Variants in RIT2 observed in about 807,000 individuals in gnomAD.
RIT2 encodes Ras like without CAAX 2, also known as GTP-binding protein Rit2.
RIT2 carries 24 observed loss-of-function variants against 23.7 expected under a neutral mutation model. That is an observed-to-expected ratio of 1.01 (90% CI 0.73 to 1.43). RIT2 has a LOEUF of 1.43. Among genes scored for constraint, RIT2 ranks in the 40% most tolerant of loss-of-function variants. The probability of loss-of-function intolerance (pLI) is 0.00; values close to 1 mark genes in which losing one functional copy is unlikely to be tolerated. For missense variants in RIT2, 236 were observed against 266.9 expected (o/e 0.88, Z 0.81); for synonymous variants, 107 against 91.1 (o/e 1.17, Z -0.99).
At chr18:42,985,802 T>C (rs1486822792) in intron 2 of RIT2, among the ~76,000 whole-genome samples, 1 of 152,036 alleles carries the variant, frequency 6.6e-6, no homozygotes, top group African/African-American at 2.4e-5. Context: ...AAATAGGAGA[T>C]ACTTTAGAAG....
intron 4 of RIT2, among the ~76,000 whole-genome samples, chr18:42,763,292 C>T (rs1444658002): frequency 6.6e-6 from 1 of 152,088 alleles, no homozygotes; most frequent in African/African-American, 2.4e-5. Flanking sequence ...GAAACCCCGT[C>T]TCTATTAAAA....
chr18:43,081,820 A>G (rs28550022), intron 1 of RIT2, among the ~76,000 whole-genome samples: 2 of 152,090 alleles, frequency 1.3e-5, no homozygotes, highest in East Asian at 3.8e-4. Context: ...TTCAAAGCCT[A>G]TATCAATAGC....
chr18:42,993,101 G>A (rs979828801), intron 2 of RIT2, among the ~76,000 whole-genome samples: 4 of 152,122 alleles, frequency 2.6e-5, no homozygotes, highest in African/African-American at 7.2e-5. Flanking sequence ...CGCCTGAACC[G>A]CAGCAGCCAG....
intron 1 of RIT2, among the ~76,000 whole-genome samples, chr18:43,079,659 T>A (rs1474514967): frequency 6.6e-6 from 1 of 152,170 alleles, no homozygotes; most frequent in Admixed American, 6.5e-5. Context: ...TTCCCATAAT[T>A]GAAGTCAGTG....
chr18:42,949,618 A>T (rs941482294), intron 3 of RIT2, among the ~76,000 whole-genome samples: 6 of 152,018 alleles, frequency 3.9e-5, no homozygotes, highest in African/African-American at 1.4e-4. Flanking sequence ...AAGTATGAGA[A>T]ATCTCTCTTC....
chr18:42,864,263 A>T (rs1907410427), intron 4 of RIT2, among the ~76,000 whole-genome samples: 1 of 152,142 alleles, frequency 6.6e-6, no homozygotes, highest in Admixed American at 6.6e-5. Flanking sequence ...CATTAATGTG[A>T]TTTTCAATTT....
chr18:42,977,310 G>A (rs1482362719), intron 2 of RIT2, among the ~76,000 whole-genome samples: 7 of 151,968 alleles, frequency 4.6e-5, no homozygotes, highest in African/African-American at 1.7e-4. Flanking sequence ...GAAACTGGAA[G>A]TCATAAACTC....
In RIT2 at chr18:43,004,289, C is replaced by A. The variant is rs1346245369; in HGVS notation, c.160+29522G>T. On this transcript the variant is annotated intron_variant, in intron 2 of 4. Transcript: ENST00000326695. ...TACACCTGGATCAACATGCCTATCA[C>A]AGGGAGGCACATTTTCAGCAGGTCA... is the stretch of plus-strand genomic sequence containing the variant. Among the ~76,000 whole-genome samples the A allele has an allele frequency of 2.0e-5, 3 of 151,784 alleles. No individual in the cohort carries two copies. In the East Asian group the frequency reaches 5.8e-4, roughly 30 times the overall value.
intron 4 of RIT2, among the ~76,000 whole-genome samples, chr18:42,825,992 T>G (rs1439709972): frequency 2.0e-5 from 3 of 152,022 alleles, no homozygotes; most frequent in Non-Finnish European, 4.4e-5. Flanking sequence ...ATAGACTCAT[T>G]TGACATCTCT....
chr18:43,111,462 C>T (rs1239816082), intron 1 of RIT2, among the ~76,000 whole-genome samples: 1 of 152,016 alleles, frequency 6.6e-6, no homozygotes, highest in Non-Finnish European at 1.5e-5. Flanking sequence ...AGATTTATAA[C>T]ACAAATAAAT....
intron 4 of RIT2, among the ~76,000 whole-genome samples, chr18:42,798,349 A>C (rs1437921328): frequency 6.6e-6 from 1 of 152,232 alleles, no homozygotes; most frequent in Admixed American, 6.5e-5. Flanking sequence ...ATGGTACCCC[A>C]CAGTCATGGA....
intron 4 of RIT2, among the ~76,000 whole-genome samples, chr18:42,859,281 T>C (rs1907265474): frequency 2.0e-5 from 3 of 152,234 alleles, no homozygotes; most frequent in Admixed American, 6.5e-5. Flanking sequence ...TGGTTTTGAT[T>C]TATATTTCCT....
chr18:43,111,657 C>T (rs1176403103), intron 1 of RIT2, among the ~76,000 whole-genome samples: 1 of 152,116 alleles, frequency 6.6e-6, no homozygotes, highest in Non-Finnish European at 1.5e-5. Flanking sequence ...AATATTATTA[C>T]CTCTAGTCCT....
chr18:42,790,635 G>C (rs1007816472), intron 4 of RIT2, among the ~76,000 whole-genome samples: 1 of 152,120 alleles, frequency 6.6e-6, no homozygotes, highest in South Asian at 2.1e-4. Context: ...CACCATGTTG[G>C]CCAGGCTGGT....
chr18:42,774,444 G>T (rs1211263850), intron 4 of RIT2, among the ~76,000 whole-genome samples: 2 of 151,902 alleles, frequency 1.3e-5, no homozygotes, highest in African/African-American at 4.8e-5. Context: ...CCCACAACTT[G>T]ACTGTATCAG....
intron 4 of RIT2, among the ~76,000 whole-genome samples, chr18:42,747,014 T>A (rs1010842438): frequency 4.6e-5 from 7 of 151,758 alleles, no homozygotes; most frequent in African/African-American, 1.7e-4. Context: ...GCCACTCTTA[T>A]CCCTCCTATT....
intron 1 of RIT2, among the ~76,000 whole-genome samples, chr18:43,068,784 C>A (rs1461797445): frequency 1.3e-5 from 2 of 151,218 alleles, no homozygotes; most frequent in Non-Finnish European, 1.5e-5. Flanking sequence ...TTCATAAATA[C>A]AAAAAAAAAA....
chr18:43,017,775 G>A (rs888167567), intron 2 of RIT2, among the ~76,000 whole-genome samples: 4 of 151,976 alleles, frequency 2.6e-5, no homozygotes, highest in African/African-American at 9.7e-5. Context: ...TAAATCATAT[G>A]TAGAAATGTA....
intron 4 of RIT2, among the ~76,000 whole-genome samples, chr18:42,784,296 A>G (rs1913877476): frequency 6.6e-6 from 1 of 151,454 alleles, no homozygotes; most frequent in Non-Finnish European, 1.5e-5. Flanking sequence ...ATTAATCTTA[A>G]AATGAAATGA....
Sources: allele counts gnomAD v4.1 joint callset (sites outside exome capture counted in the v4.1 genomes callset), GRCh38; gene constraint gnomAD v4.1.1; transcripts MANE v1.5; gene names NCBI Gene and HGNC (gene_info 2026-07-23, HGNC 2026-07-21).